Variants in TSPEAR observed in about 807,000 individuals in gnomAD.
The protein encoded by TSPEAR is thrombospondin type laminin G domain and EAR repeats, also known as thrombospondin-type laminin G domain and EAR repeat-containing protein.
In TSPEAR, 69 loss-of-function variants were observed where a neutral mutation model predicts 71.6. The ratio of observed to expected loss-of-function variants is 0.96; its 90% CI spans 0.79 to 1.18. The LOEUF is 1.18. Ranked by LOEUF, TSPEAR falls within the 50% of genes most tolerant of loss-of-function variation. The pLI, the probability that TSPEAR is intolerant of heterozygous loss-of-function variation, is 0.00. For missense variants in TSPEAR, 971 were observed against 894.9 expected (o/e 1.09, Z -1.09); for synonymous variants, 402 against 387.2 (o/e 1.04, Z -0.45).
intron 1 of TSPEAR, chr21:44,600,532 C>A (rs963515135): frequency 1.1e-5 from 16 of 1,441,494 alleles, no homozygotes; most frequent in Non-Finnish European, 1.5e-5. Flanking sequence ...CATATAAAAG[C>A]CAACATCCCT....
At chr21:44,703,012 G>T (rs1402245000) in intron 1 of TSPEAR, among the ~76,000 whole-genome samples, 10 of 152,104 alleles carry the variant, frequency 6.6e-5, no homozygotes, top group Admixed American at 6.5e-4. Context: ...ATTATTGAAG[G>T]GCCCCGGGTG....
chr21:44,537,972 C>A (rs782329709), intron 2 of TSPEAR, among the ~76,000 whole-genome samples: 100 of 152,326 alleles, frequency 6.6e-4, no homozygotes, highest in Middle Eastern at 3.4e-3. Context: ...CGGGGTCCCC[C>A]AGCCACTGAG....
intron 1 of TSPEAR, among the ~76,000 whole-genome samples, chr21:44,708,945 C>T (rs1988076619): frequency 6.6e-6 from 1 of 152,206 alleles, no homozygotes. Flanking sequence ...ATGAGGAGAG[C>T]CAGGTAGCTC....
chr21:44,701,243 C>G (rs1230809962), intron 1 of TSPEAR, among the ~76,000 whole-genome samples: 1 of 152,226 alleles, frequency 6.6e-6, no homozygotes, highest in African/African-American at 2.4e-5. Context: ...CAAACACGGA[C>G]TGTTTCTCTC....
intron 1 of TSPEAR, among the ~76,000 whole-genome samples, chr21:44,705,090 A>T (rs962501450): frequency 9.9e-5 from 15 of 152,196 alleles, no homozygotes; most frequent in Admixed American, 4.6e-4. Context: ...GTGGATTGTG[A>T]AGATTTTATG....
intron 9 of TSPEAR, chr21:44,519,798 G>A (rs1485992060): frequency 6.6e-6 from 1 of 152,284 alleles, no homozygotes; most frequent in African/African-American, 2.4e-5. Context: ...TGTCCTTGTG[G>A]ATAACAGGGA....
intron 1 of TSPEAR, among the ~76,000 whole-genome samples, chr21:44,661,266 A>G (rs1383233540): frequency 1.6e-5 from 2 of 122,066 alleles, no homozygotes; most frequent in Admixed American, 1.1e-4. Flanking sequence ...GGTGACACAG[A>G]GTGAGACTCC....
In TSPEAR at chr21:44,527,381, A is replaced by C. The variant is rs782447845; in HGVS notation, c.1060T>G (p.Tyr354Asp). 6.2e-7 allele frequency: 1 copy of C among 1,614,084 alleles called. No homozygotes were observed. The highest frequency in any genetic ancestry group is 1.7e-5 in the Admixed American group (1 of 60,012). ...ACGAACTTCTCTTCGGTCCACTTGT[A>C]GACGGCGGATGTGGCTTTGCGATTG... Reference protein sequence around the residue: ...TANRKATSAVYKWTEEKFVSY... With the variant: ...TANRKATSAVDKWTEEKFVSY... Residue 354 changes from tyrosine (Y) to aspartate (D), a missense_variant, in exon 7 of 12, where the codon TAC (tyrosine) becomes GAC (aspartate). By Grantham distance (160) the Tyr-to-Asp change is radical (BLOSUM62 -3). Transcript: ENST00000323084.
intron 2 of TSPEAR, chr21:44,539,312 G>A (rs233316): frequency 0.66 from 1,065,451 of 1,610,094 alleles, 354,623 homozygotes; most frequent in African/African-American, 0.75. Flanking sequence ...TCAGCAGGCC[G>A]GGCGGGAGCA....
chr21:44,685,084 C>A (rs1216983258), intron 1 of TSPEAR, among the ~76,000 whole-genome samples: 1 of 152,086 alleles, frequency 6.6e-6, no homozygotes, highest in Non-Finnish European at 1.5e-5. Flanking sequence ...AGCTCTGAGA[C>A]CCCACTTGGT....
At chr21:44,527,037 T>C (rs2052870082) in intron 7 of TSPEAR, among the ~76,000 whole-genome samples, 1 of 152,216 alleles carries the variant, frequency 6.6e-6, no homozygotes, top group Non-Finnish European at 1.5e-5. Context: ...ACGAGGGGTC[T>C]ATGTAGAACG....
At chr21:44,508,920 A>T in intron 10 of TSPEAR, 1 of 1,506,858 alleles carries the variant, frequency 6.6e-7, no homozygotes, top group Non-Finnish European at 9.0e-7. Context: ...CACTGCTCGG[A>T]TGAAAGGAGG....
In TSPEAR at chr21:44,612,412, C is replaced by T. The variant is rs1555931322; in HGVS notation, c.83-44407G>A. ...CTTCATGCTGCCAGCAGTCTAGCTG[C>T]CAGCCGGCTTGCTGCACCTCCTCCC... On this transcript the variant is annotated intron_variant, in intron 1 of 11. Coordinates refer to ENST00000323084, the MANE Select transcript of TSPEAR (RefSeq NM_144991.3). The surrounding 1 kb of genome is among the most constrained non-coding windows in gnomAD (Gnocchi z 4.1). The T allele has an allele frequency of 6.2e-7, 1 of 1,614,140 alleles. No individual in the cohort carries two copies. The highest frequency in any genetic ancestry group is 1.7e-5 in the Admixed American group (1 of 60,024).
intron 9 of TSPEAR, among the ~76,000 whole-genome samples, chr21:44,512,074 G>A (rs1311403408): frequency 1.3e-5 from 2 of 152,224 alleles, no homozygotes; most frequent in Admixed American, 6.5e-5. Flanking sequence ...AAGCAGGGAA[G>A]GGTATCCAGG....
chr21:44,533,811 C>T lies in TSPEAR; in HGVS notation c.416G>A (p.Gly139Asp). The T allele has an allele frequency of 1.2e-6, 2 of 1,612,538 alleles. No individual in the cohort carries two copies. Among genetic ancestry groups the T allele is most frequent in the Non-Finnish European group, 1.7e-6 (2 of 1,179,918 alleles). ...GAAGGACACTCGGGTCTGCCAGGCG[C>T]CGGCCGTGTCCTCGCGAAGGAACAG... ...HFLFLREDTA[G>D]AWQTRVSFRS... Residue 139 changes from glycine (G) to aspartate (D), a missense_variant, in exon 3 of 12, where the codon GGC (glycine) becomes GAC (aspartate). Transcript: ENST00000323084.
Position 44,612,244 on chromosome 21 carries a change from A to G in TSPEAR, c.83-44239T>C. The G allele has an allele frequency of 1.2e-6, 2 of 1,613,686 alleles. No homozygotes were observed. Among genetic ancestry groups the G allele is most frequent in the Non-Finnish European group, 1.7e-6 (2 of 1,179,982 alleles). ...CCTGGCAGGTGGACAATTGCCAGGA[A>G]AGCTGCTGCGAGCCCCGCTCCTGTG... is the stretch of plus-strand genomic sequence containing the variant. On this transcript the variant is annotated intron_variant, in intron 1 of 11. Coordinates refer to ENST00000323084, the MANE Select transcript of TSPEAR (RefSeq NM_144991.3). The surrounding 1 kb of genome is among the most constrained non-coding windows in gnomAD (Gnocchi z 4.1).
At position 44,535,015 on chromosome 21, in the gene TSPEAR, C is replaced by T. The variant is rs587718139; in HGVS notation, c.304-1092G>A. Among the ~76,000 whole-genome samples, 16 of 152,218 alleles carry T rather than the reference C, an allele frequency of 1.1e-4. 1 individual carries two copies. The South Asian group carries it at 3.3e-3, about 32-fold the overall frequency. On this transcript the variant is annotated intron_variant, in intron 2 of 11. Transcript: ENST00000323084. ...TGGGGATGTTCCACTTATATGAGGT[C>T]ACTAGACTGGTCACATTCACAGAGA...
At chr21:44,698,309 G>T (rs567794919) in intron 1 of TSPEAR, among the ~76,000 whole-genome samples, 1 of 152,264 alleles carries the variant, frequency 6.6e-6, no homozygotes, top group South Asian at 2.1e-4. Flanking sequence ...GTCATTTCTG[G>T]TTGAATTGCT....
At chr21:44,565,675 G>A (rs233325) in intron 2 of TSPEAR, among the ~76,000 whole-genome samples, 63,133 of 151,974 alleles carry the variant, frequency 0.42, 14,639 homozygotes, top group Non-Finnish European at 0.53. Context: ...ATCCTTTCAT[G>A]TTAAAAACAC....
Sources: allele counts gnomAD v4.1 joint callset (sites outside exome capture counted in the v4.1 genomes callset), GRCh38; gene constraint gnomAD v4.1.1; non-coding constraint Gnocchi (gnomAD v3.1); transcripts MANE v1.5; gene names NCBI Gene and HGNC (gene_info 2026-07-23, HGNC 2026-07-21).